The following MYO16 variants were observed in gnomAD, a reference collection of about 807,000 sequenced individuals.
The protein encoded by MYO16 is unconventional myosin-XVI.
A neutral mutation model predicts 205.3 loss-of-function variants in MYO16; 94 were observed. That is an observed-to-expected ratio of 0.46 (90% CI 0.39 to 0.54). The LOEUF is 0.54. Among genes scored for constraint, MYO16 ranks in the 20% least tolerant of loss-of-function variants. The pLI is 0.00. For missense variants in MYO16, 2,315 were observed against 2,387.5 expected, an observed-to-expected ratio of 0.97 and a Z score of 0.63; for synonymous variants, 988 against 954.0, an observed-to-expected ratio of 1.04 and a Z score of -0.66.
chr13:109,062,486 C>G (rs1887622996), intron 27 of MYO16, among the ~76,000 whole-genome samples: 1 of 152,108 alleles, frequency 6.6e-6, no homozygotes, highest in African/African-American at 2.4e-5. Context: ...TTTCTTTTAG[C>G]ATTCCTTTAT....
chr13:109,005,700 T>C (rs1393632583), intron 21 of MYO16, among the ~76,000 whole-genome samples: 1 of 152,088 alleles, frequency 6.6e-6, no homozygotes, highest in African/African-American at 2.4e-5. Context: ...TTGAGCTAGC[T>C]ACACCTACGC....
the MYO16 span, among the ~76,000 whole-genome samples, chr13:108,521,659 T>G: frequency 6.6e-6 from 1 of 152,212 alleles, no homozygotes; most frequent in Non-Finnish European, 1.5e-5. Context: ...TGTCTGATAA[T>G]CTACCTCTGA....
At chr13:108,549,705 C>T in the MYO16 span, among the ~76,000 whole-genome samples, 1 of 151,664 alleles carries the variant, frequency 6.6e-6, no homozygotes, top group Non-Finnish European at 1.5e-5. Flanking sequence ...GGAGAGTGGT[C>T]CTGGTAGCTA....
the MYO16 span, among the ~76,000 whole-genome samples, chr13:108,499,878 C>G: frequency 6.6e-6 from 1 of 152,158 alleles, no homozygotes; most frequent in Non-Finnish European, 1.5e-5. Flanking sequence ...TGGGCAGAAG[C>G]GTCTCCGTTC....
chr13:109,001,322 G>A (rs2139460820), intron 21 of MYO16, among the ~76,000 whole-genome samples: 1 of 152,202 alleles, frequency 6.6e-6, no homozygotes, highest in Admixed American at 6.5e-5. Flanking sequence ...CCACTTCCTG[G>A]GTGCTGACTG....
intron 2 of MYO16, among the ~76,000 whole-genome samples, chr13:108,704,579 A>T (rs544140220): frequency 6.6e-6 from 1 of 152,222 alleles, no homozygotes; most frequent in South Asian, 2.1e-4. Context: ...AGATACAGAG[A>T]TTTTCCATAT....
chr13:109,069,744 C>A (rs1486666084), intron 27 of MYO16, among the ~76,000 whole-genome samples: 1 of 152,090 alleles, frequency 6.6e-6, no homozygotes, highest in Admixed American at 6.6e-5. Flanking sequence ...ACCCTTATGA[C>A]CTAATTTAGC....
At chr13:108,949,798 C>A (rs72654046) in intron 16 of MYO16, among the ~76,000 whole-genome samples, 6,896 of 152,114 alleles carry the variant, frequency 0.045, 304 homozygotes, top group Admixed American at 0.13. Context: ...GTAATCCAGA[C>A]ATTATGGTAT....
chr13:108,976,077 T>G, intron 20 of MYO16, among the ~76,000 whole-genome samples: 1 of 152,156 alleles, frequency 6.6e-6, no homozygotes, highest in Non-Finnish European at 1.5e-5. Context: ...GTTTAAAAAC[T>G]TAATCTAAAT....
chr13:109,096,189 G>T (rs889581959), intron 27 of MYO16, among the ~76,000 whole-genome samples: 1 of 152,096 alleles, frequency 6.6e-6, no homozygotes, highest in Non-Finnish European at 1.5e-5. Context: ...TCTCAGCAGG[G>T]CTTCCTCTGA....
At chr13:109,054,082 A>G (rs1169893843) in intron 25 of MYO16, among the ~76,000 whole-genome samples, 2 of 152,104 alleles carry the variant, frequency 1.3e-5, no homozygotes, top group African/African-American at 2.4e-5. Flanking sequence ...ATTTTGTGAA[A>G]TGTAATAGTA....
At chr13:108,821,824 C>T (rs1250734779) in intron 8 of MYO16, among the ~76,000 whole-genome samples, 1 of 152,186 alleles carries the variant, frequency 6.6e-6, no homozygotes, top group Non-Finnish European at 1.5e-5. Context: ...ACTTTTACCA[C>T]ATTGGTCATG....
intron 16 of MYO16, among the ~76,000 whole-genome samples, chr13:108,911,618 T>A (rs1483875229): frequency 6.6e-6 from 1 of 152,194 alleles, no homozygotes; most frequent in East Asian, 1.9e-4. Flanking sequence ...GAAATTTAGA[T>A]TTCCTTCAGA....
chr13:109,064,395 A>G (rs1441930256), intron 27 of MYO16, among the ~76,000 whole-genome samples: 1 of 152,200 alleles, frequency 6.6e-6, no homozygotes. Flanking sequence ...GTAGATCTCA[A>G]TAATGTTCTC....
At chr13:108,509,528 A>G in the MYO16 span, among the ~76,000 whole-genome samples, 7 of 152,318 alleles carry the variant, frequency 4.6e-5, no homozygotes, top group East Asian at 1.4e-3. Context: ...CTCTTTCCTC[A>G]TAATGTAGTA....
chr13:108,570,867 A>G, the MYO16 span, among the ~76,000 whole-genome samples: 1 of 152,192 alleles, frequency 6.6e-6, no homozygotes, highest in African/African-American at 2.4e-5. Context: ...CTGTAGAGAG[A>G]TTAATGCTTG....
At chr13:109,093,403 G>A (rs967566639) in intron 27 of MYO16, among the ~76,000 whole-genome samples, 7 of 152,118 alleles carry the variant, frequency 4.6e-5, no homozygotes, top group African/African-American at 1.7e-4. Context: ...TGGCAGTAAA[G>A]AGACCAGCCA....
intron 16 of MYO16, among the ~76,000 whole-genome samples, chr13:108,944,482 C>T (rs887476963): frequency 6.6e-6 from 1 of 152,048 alleles, no homozygotes; most frequent in Non-Finnish European, 1.5e-5. Context: ...TTTTTAATTC[C>T]CTAACAAATC....
At chr13:108,976,626 A>G (rs770526371) in intron 20 of MYO16, among the ~76,000 whole-genome samples, 3 of 152,222 alleles carry the variant, frequency 2.0e-5, no homozygotes, top group Non-Finnish European at 2.9e-5. Flanking sequence ...GCATTACTGT[A>G]TCAATTATAA....
Sources: allele counts gnomAD v4.1 joint callset (sites outside exome capture counted in the v4.1 genomes callset), GRCh38; gene constraint gnomAD v4.1.1; transcripts MANE v1.5; gene names NCBI Gene and HGNC (gene_info 2026-07-23, HGNC 2026-07-21).